The following SMYD3 variants were observed in gnomAD, a reference collection of about 807,000 sequenced individuals.
SMYD3 encodes SET and MYND domain containing 3, also known as histone-lysine N-methyltransferase SMYD3.
A neutral mutation model predicts 57.7 loss-of-function variants in SMYD3; 36 were observed. The ratio of observed to expected loss-of-function variants is 0.62; its 90% confidence interval spans 0.48 to 0.82. SMYD3 has a LOEUF of 0.82. Ranked by LOEUF, SMYD3 falls within the 40% of genes least tolerant of loss-of-function variation. The pLI is 0.00. For missense variants in SMYD3, 515 were observed against 538.8 expected, an observed-to-expected ratio of 0.96 and a Z score of 0.44; for synonymous variants, 211 against 195.0, an observed-to-expected ratio of 1.08 and a Z score of -0.68.
chr1:246,039,155 TA>T (rs1197012914), intron 5 of SMYD3, among the ~76,000 whole-genome samples: 3 of 152,306 alleles, frequency 2.0e-5, no homozygotes, highest in African/African-American at 4.8e-5. Flanking sequence ...ATTTGCATCC[TA>T]AAAAATACAA....
Position 245,858,760 on chromosome 1 carries a change from G to C in SMYD3, c.902-90C>G, listed in dbSNP as rs949918894. 2.9e-5 allele frequency: 40 copies of C among 1,378,078 alleles called. No individual in the cohort carries two copies. The African/African-American group carries it at 5.0e-4, about 17-fold the overall frequency. The allele number at this position is 1,378,078 out of a possible 1,614,324, so 85.4% of individuals were successfully genotyped here. A position where few individuals can be genotyped will look rare whatever the true frequency, so the allele number is the denominator to read the frequency against. ...CTCTAAAAGGCTAAAGAGCTCCCAAGCACAGGAGCGAGGGAAGCACCCGTT... is the reference window on the plus strand; with the variant it reads ...CTCTAAAAGGCTAAAGAGCTCCCAACCACAGGAGCGAGGGAAGCACCCGTT... On this transcript the variant is annotated intron_variant, in intron 9 of 11. Coordinates refer to ENST00000490107, the MANE Select transcript of SMYD3 (RefSeq NM_001167740.2).
intron 5 of SMYD3, among the ~76,000 whole-genome samples, chr1:246,009,803 A>ATT (rs756608398): frequency 1.0e-5 from 1 of 98,912 alleles, no homozygotes; most frequent in African/African-American, 3.6e-5. Flanking sequence ...CTCATGTAAG[A>ATT]TCTTTTTTTT....
At chr1:245,941,640 C>T (rs2147897627) in intron 5 of SMYD3, among the ~76,000 whole-genome samples, 1 of 152,294 alleles carries the variant, frequency 6.6e-6, no homozygotes, top group East Asian at 1.9e-4. Flanking sequence ...CCTGCCTCAG[C>T]CTCCCGAGTA....
chr1:246,238,576 A>G (rs1476738610), intron 5 of SMYD3, among the ~76,000 whole-genome samples: 4 of 152,168 alleles, frequency 2.6e-5, no homozygotes, highest in Admixed American at 6.5e-5. Context: ...AGGAAATGCA[A>G]TCTTATGCCA....
intron 5 of SMYD3, among the ~76,000 whole-genome samples, chr1:246,261,388 T>C (rs1173032964): frequency 6.6e-6 from 1 of 151,600 alleles, no homozygotes; most frequent in South Asian, 2.1e-4. Context: ...TGTTACCTTA[T>C]AGTCACAGCA....
At chr1:246,477,294 A>G (rs900579905) in intron 1 of SMYD3, among the ~76,000 whole-genome samples, 1 of 152,230 alleles carries the variant, frequency 6.6e-6, no homozygotes, top group African/African-American at 2.4e-5. Context: ...TTTAAAATTA[A>G]CATTTAGTCT....
chr1:246,125,984 G>T (rs529861423), intron 5 of SMYD3, among the ~76,000 whole-genome samples: 1 of 152,190 alleles, frequency 6.6e-6, no homozygotes, highest in Admixed American at 6.5e-5. Flanking sequence ...GGAAGGAAGA[G>T]ACTAGAGGGT....
chr1:245,929,722 T>C, intron 6 of SMYD3, 148 bp downstream of exon 6: 1 of 632,460 alleles, frequency 1.6e-6, no homozygotes. Context: ...ACTTAACATT[T>C]TCCATTTTTT....
rs539321450 is a variant in SMYD3, at chr1:246,156,870, G to A, written c.531+170331C>T. 1.2e-4 allele frequency among the ~76,000 whole-genome samples: 19 copies of A among 152,282 alleles called. No individual in the cohort carries two copies. In the South Asian group the frequency reaches 2.1e-3, roughly 17 times the overall value. On this transcript the variant is annotated intron_variant, in intron 5 of 11. Transcript: ENST00000490107. The stretch of plus-strand genomic sequence containing the variant: ...CACAGGTAAAAAGGTCGAACAAACC[G>A]TATTTAGTGATTTGCTGAATCATGG...
At chr1:245,991,728 C>A (rs1340089437) in intron 5 of SMYD3, among the ~76,000 whole-genome samples, 1 of 152,212 alleles carries the variant, frequency 6.6e-6, no homozygotes, top group East Asian at 1.9e-4. Context: ...AAAACAGAAG[C>A]CAATGTGTTT....
chr1:246,306,678 C>T (rs934133288), intron 5 of SMYD3, among the ~76,000 whole-genome samples: 1 of 152,156 alleles, frequency 6.6e-6, no homozygotes, highest in African/African-American at 2.4e-5. Flanking sequence ...TATTGTAAAA[C>T]TCTGCACTAC....
chr1:246,071,767 A>G (rs1322200168), intron 5 of SMYD3, among the ~76,000 whole-genome samples: 2 of 151,728 alleles, frequency 1.3e-5, no homozygotes, highest in African/African-American at 4.8e-5. Context: ...CGCTGTGCTC[A>G]CTGTCGCTGC....
chr1:245,875,998 G>A (rs1366946471), intron 8 of SMYD3, among the ~76,000 whole-genome samples: 1 of 152,224 alleles, frequency 6.6e-6, no homozygotes, highest in African/African-American at 2.4e-5. Context: ...TTCATCACCA[G>A]TGGAAGCTGG....
At chr1:246,180,968 C>T (rs2062541999) in intron 5 of SMYD3, among the ~76,000 whole-genome samples, 1 of 151,956 alleles carries the variant, frequency 6.6e-6, no homozygotes, top group African/African-American at 2.4e-5. Flanking sequence ...GAGGAACATA[C>T]TCTACTCTAA....
rs1272367918 is a variant in SMYD3, at chr1:245,909,768, C to T, written c.813+5762G>A. Among the ~76,000 whole-genome samples, 4 of 151,912 alleles carry T rather than the reference C, an allele frequency of 2.6e-5. No individual in the cohort carries two copies. In the East Asian group the frequency reaches 7.7e-4, roughly 29 times the overall value. On this transcript the variant is annotated intron_variant, in intron 8 of 11. Coordinates refer to ENST00000490107, the MANE Select transcript of SMYD3 (RefSeq NM_001167740.2). ...CTTTCAATAAAATTCAATATGCCTTCATGATGAAAAAAATCTTAACAAACT... is the reference window on the plus strand; with the variant it reads ...CTTTCAATAAAATTCAATATGCCTTTATGATGAAAAAAATCTTAACAAACT...
At chr1:246,438,433 A>G (rs1226649849) in intron 1 of SMYD3, among the ~76,000 whole-genome samples, 2 of 152,162 alleles carry the variant, frequency 1.3e-5, no homozygotes, top group African/African-American at 4.8e-5. Context: ...GGAGTAAGAC[A>G]CTGAAAAACG....
intron 1 of SMYD3, among the ~76,000 whole-genome samples, chr1:246,367,820 A>G (rs368188185): frequency 6.6e-6 from 1 of 152,188 alleles, no homozygotes. Flanking sequence ...AAAGATGAAT[A>G]TTAGCATTGT....
At chr1:246,471,376 T>C (rs1012549059) in intron 1 of SMYD3, among the ~76,000 whole-genome samples, 4 of 152,120 alleles carry the variant, frequency 2.6e-5, no homozygotes, top group Admixed American at 2.6e-4. Context: ...TTCTGTTTTT[T>C]TGTAGAGACA....
intron 5 of SMYD3, among the ~76,000 whole-genome samples, chr1:245,943,172 CAA>C (rs61600738): frequency 2.0e-4 from 22 of 108,966 alleles, no homozygotes; most frequent in East Asian, 1.4e-3. Context: ...ACACACTTTC[CAA>C]AAAAAAAAAA....
Sources: allele counts gnomAD v4.1 joint callset (sites outside exome capture counted in the v4.1 genomes callset), GRCh38; gene constraint gnomAD v4.1.1; transcripts MANE v1.5; gene names NCBI Gene and HGNC (gene_info 2026-07-23, HGNC 2026-07-21).